Variants in STXBP5L observed in about 807,000 individuals in gnomAD.
STXBP5L encodes syntaxin binding protein 5L, also known as syntaxin-binding protein 5-like.
Under a neutral mutation model 144.5 loss-of-function variants are expected in STXBP5L, and 65 were observed. The observed-to-expected ratio is 0.45, with a 90% CI of 0.37 to 0.55. The LOEUF (loss-of-function observed/expected upper bound fraction) is 0.55. STXBP5L is among the 20% of genes least tolerant of loss of function. The pLI is 0.00. For missense variants in STXBP5L, 1,298 were observed against 1,405.5 expected, an observed-to-expected ratio of 0.92 and a Z score of 1.22; for synonymous variants, 505 against 469.6, an observed-to-expected ratio of 1.08 and a Z score of -0.97.
At chr3:121,179,695 A>T (rs1455816748) in intron 9 of STXBP5L, among the ~76,000 whole-genome samples, 1 of 152,192 alleles carries the variant, frequency 6.6e-6, no homozygotes, top group Non-Finnish European at 1.5e-5. Flanking sequence ...TATATGTAGG[A>T]TATGGATGAA....
At chr3:121,085,948 C>A (rs1217876094) in intron 5 of STXBP5L, among the ~76,000 whole-genome samples, 3 of 152,180 alleles carry the variant, frequency 2.0e-5, no homozygotes, top group Non-Finnish European at 4.4e-5. Flanking sequence ...ACCAAAACAA[C>A]ATGGTACTGG....
chr3:121,389,722 A>T (rs7650439), intron 22 of STXBP5L, among the ~76,000 whole-genome samples: 120,226 of 152,172 alleles, frequency 0.79, 47,637 homozygotes, highest in East Asian at 0.89. Flanking sequence ...TCCTGAGTTC[A>T]AATTTGAATT....
intron 8 of STXBP5L, 98 bp downstream of exon 8, chr3:121,152,658 A>G: frequency 1.2e-6 from 1 of 830,482 alleles, no homozygotes; most frequent in Non-Finnish European, 1.8e-6. Flanking sequence ...TTAGCCTTGG[A>G]AAGTTGCCTG....
At chr3:121,116,757 G>T (rs1055692287) in intron 6 of STXBP5L, among the ~76,000 whole-genome samples, 1 of 151,850 alleles carries the variant, frequency 6.6e-6, no homozygotes, top group Non-Finnish European at 1.5e-5. Context: ...TATTTGGGAG[G>T]GTCCTTTTCC....
chr3:121,279,859 A>T lies in STXBP5L; in HGVS notation c.2013A>T (p.Thr671=). 6.2e-7 allele frequency: 1 copy of T among 1,612,748 alleles called. No homozygotes were observed. Among genetic ancestry groups the T allele is most frequent in the Admixed American group, 1.7e-5 (1 of 59,908 alleles). Reference sequence around the variant, plus strand: ...CTGTGGTGGATTTTATACAGAAGACAGTACTGTTAAGCATGGGGACCATTG... The same window carrying T: ...CTGTGGTGGATTTTATACAGAAGACTGTACTGTTAAGCATGGGGACCATTG... ...GLAVVDFIQK[T]VLLSMGTIDL... Residue 671 remains threonine (T), a synonymous_variant, in exon 19 of 27, where the codon ACA becomes ACT. Transcript: ENST00000471454.
intron 3 of STXBP5L, among the ~76,000 whole-genome samples, chr3:120,982,982 G>T (rs1296555050): frequency 6.6e-6 from 1 of 152,224 alleles, no homozygotes; most frequent in Non-Finnish European, 1.5e-5. Flanking sequence ...AGGCAGGGTG[G>T]CTGTGCTGTG....
In STXBP5L at chr3:121,419,315, T is replaced by C; in HGVS notation, c.*218T>C. On this transcript the variant is annotated 3_prime_UTR_variant, in exon 27 of 27. Transcript: ENST00000471454. ...CCAAAATACGGCTGAATTTGCCTTT[T>C]CCCATGTGGAATGGAGCTATCATCT... The C allele has an allele frequency of 2.2e-6, 1 of 457,534 alleles. No individual in the cohort carries two copies. The highest frequency in any genetic ancestry group is 3.8e-6 in the Non-Finnish European group (1 of 262,182). 28.3% of individuals were successfully genotyped at this position (457,534 alleles called of 1,614,324 possible).
At chr3:120,913,693 G>A (rs928104894) in intron 2 of STXBP5L, among the ~76,000 whole-genome samples, 6 of 151,796 alleles carry the variant, frequency 4.0e-5, no homozygotes, top group African/African-American at 1.5e-4. Flanking sequence ...TTCAGTTTTG[G>A]TTTATTTAAA....
At chr3:121,402,022 T>G (rs1185132013) in intron 22 of STXBP5L, among the ~76,000 whole-genome samples, 2 of 152,206 alleles carry the variant, frequency 1.3e-5, no homozygotes, top group Non-Finnish European at 2.9e-5. Context: ...GTTCTCCCAA[T>G]TTTTGAACAA....
chr3:121,249,391 C>G (rs1191689106), intron 14 of STXBP5L, among the ~76,000 whole-genome samples: 1 of 152,030 alleles, frequency 6.6e-6, no homozygotes, highest in East Asian at 1.9e-4. Flanking sequence ...TGGTCAACAT[C>G]TTACAATTTT....
chr3:121,061,080 A>G (rs1355500569), intron 5 of STXBP5L, among the ~76,000 whole-genome samples: 3 of 152,004 alleles, frequency 2.0e-5, no homozygotes. Flanking sequence ...TTGATTTTAG[A>G]TCTTTCCCAC....
At chr3:121,127,303 A>G (rs994109238) in intron 7 of STXBP5L, among the ~76,000 whole-genome samples, 4 of 152,062 alleles carry the variant, frequency 2.6e-5, no homozygotes, top group African/African-American at 9.7e-5. Context: ...TTAGTTTCCT[A>G]TGGCTGCCAT....
At chr3:121,190,172 G>C (rs1577162323) in intron 9 of STXBP5L, among the ~76,000 whole-genome samples, 1 of 152,150 alleles carries the variant, frequency 6.6e-6, no homozygotes. Context: ...TGTGAACAAA[G>C]TCTCTGGTTT....
At chr3:121,284,563 C>T (rs2051167412) in intron 19 of STXBP5L, among the ~76,000 whole-genome samples, 1 of 152,022 alleles carries the variant, frequency 6.6e-6, no homozygotes, top group Non-Finnish European at 1.5e-5. Context: ...ATCTAAAATT[C>T]TTTATATTCC....
intron 22 of STXBP5L, among the ~76,000 whole-genome samples, chr3:121,395,464 C>A (rs910846005): frequency 2.6e-5 from 4 of 152,070 alleles, no homozygotes; most frequent in Admixed American, 6.5e-5. Flanking sequence ...TTCTGCTAAA[C>A]CTTTAGTCAT....
chr3:120,990,945 A>T (rs1412333232), intron 3 of STXBP5L, among the ~76,000 whole-genome samples: 1 of 152,230 alleles, frequency 6.6e-6, no homozygotes, highest in African/African-American at 2.4e-5. Context: ...CTAAAACACC[A>T]AAAGCAATGG....
At chr3:120,914,752 C>G (rs968151844) in intron 2 of STXBP5L, among the ~76,000 whole-genome samples, 2 of 152,114 alleles carry the variant, frequency 1.3e-5, no homozygotes, top group Non-Finnish European at 2.9e-5. Flanking sequence ...TTACATTCTC[C>G]TGTCACCAAA....
chr3:121,087,243 C>T (rs1481081257), intron 5 of STXBP5L, among the ~76,000 whole-genome samples: 1 of 151,986 alleles, frequency 6.6e-6, no homozygotes, highest in East Asian at 1.9e-4. Flanking sequence ...TACTGATTTT[C>T]TCTTTAGTTG....
intron 5 of STXBP5L, among the ~76,000 whole-genome samples, chr3:121,100,359 G>A (rs1576955823): frequency 6.6e-6 from 1 of 152,128 alleles, no homozygotes; most frequent in South Asian, 2.1e-4. Context: ...CATAAAACAA[G>A]TCTCAATAAA....
Sources: allele counts gnomAD v4.1 joint callset (sites outside exome capture counted in the v4.1 genomes callset), GRCh38; gene constraint gnomAD v4.1.1; transcripts MANE v1.5; gene names NCBI Gene and HGNC (gene_info 2026-07-23, HGNC 2026-07-21).